SLC41A1: variants seen among roughly 807,000 people sequenced by gnomAD.
SLC41A1 encodes the protein solute carrier family 41 (magnesium transporter), member 1.
SLC41A1 carries 20 observed loss-of-function variants against 47.3 expected under a neutral mutation model. The ratio of observed to expected loss-of-function variants is 0.42; its 90% CI spans 0.30 to 0.61. The LOEUF is 0.61. Ranked by LOEUF, SLC41A1 falls within the 20% of genes least tolerant of loss-of-function variation. The pLI, the probability that SLC41A1 is intolerant of heterozygous loss-of-function variation, is 0.17. For synonymous variants in SLC41A1, 282 were observed against 272.7 expected (o/e 1.03, Z -0.34); for missense variants, 504 against 674.1 (o/e 0.75, Z 2.79).
chr1:205,802,676 C>T (rs1010290155), intron 2 of SLC41A1, among the ~76,000 whole-genome samples: 2 of 147,658 alleles, frequency 1.4e-5, no homozygotes, highest in East Asian at 4.0e-4. Context: ...CAAGATCGCA[C>T]CACTGCACTC....
intron 7 of SLC41A1, among the ~76,000 whole-genome samples, chr1:205,797,611 T>C (rs893614188): frequency 4.6e-5 from 7 of 152,340 alleles, no homozygotes; most frequent in South Asian, 2.1e-4. Context: ...ACCTGGGCTG[T>C]AGGCCATGAC....
Position 205,810,584 on chromosome 1 carries a change from T to G in SLC41A1, c.-143A>C. The G allele has an allele frequency of 8.0e-7, 1 of 1,256,322 alleles. No individual in the cohort carries two copies. Among genetic ancestry groups the G allele is most frequent in the Non-Finnish European group, 1.1e-6 (1 of 891,422 alleles). 77.8% of individuals were successfully genotyped at this position (1,256,322 alleles called of 1,614,324 possible). Reference sequence around the variant, plus strand: ...ACCTCTTCCCACGGCTCTCCACTCCTACCAGGCACTGCAAAAACTGATCCA... The same window carrying G: ...ACCTCTTCCCACGGCTCTCCACTCCGACCAGGCACTGCAAAAACTGATCCA... On this transcript the variant is annotated 5_prime_UTR_variant, in exon 2 of 11. Coordinates refer to ENST00000367137, the MANE Select transcript of SLC41A1 (RefSeq NM_173854.6). This position sits in a 1 kb window ranked among gnomAD's most constrained non-coding sequence, Gnocchi z 5.5.
intron 2 of SLC41A1, 112 bp from the exon 3 acceptor site, chr1:205,801,172 G>A: frequency 1.2e-6 from 1 of 825,932 alleles, no homozygotes; most frequent in Non-Finnish European, 2.1e-6. Flanking sequence ...TCAGCAGGGA[G>A]TGAGCACGCC....
intron 2 of SLC41A1, among the ~76,000 whole-genome samples, chr1:205,807,220 C>T (rs560700178): frequency 5.3e-5 from 8 of 152,184 alleles, no homozygotes; most frequent in Admixed American, 1.3e-4. Flanking sequence ...TCCCATGTCT[C>T]GGTCCCTCTG....
intron 7 of SLC41A1, 103 bp downstream of exon 7, chr1:205,797,801 C>T: frequency 2.8e-6 from 4 of 1,422,876 alleles, no homozygotes; most frequent in South Asian, 1.2e-5. Flanking sequence ...CTAATGAACA[C>T]ATTTCTAGGG....
Position 205,813,173 on chromosome 1 carries a change from G to C in SLC41A1, c.-1012C>G, listed in dbSNP as rs1047634854. On this transcript the variant is annotated 5_prime_UTR_variant, in exon 1 of 11. Coordinates refer to ENST00000367137, the MANE Select transcript of SLC41A1 (RefSeq NM_173854.6). ...CTCGGGCCCAACTGGTTGGCTGCCG[G>C]TGGCAAACGTGATCTGGGGCAGACT... 5.1e-6 allele frequency: 5 copies of C among 985,512 alleles called. No homozygotes were observed. The South Asian group carries it at 2.3e-4, about 46-fold the overall frequency. 61.0% of individuals were successfully genotyped at this position (985,512 alleles called of 1,614,324 possible).
chr1:205,796,931 C>T lies in SLC41A1; in HGVS notation c.1065G>A (p.Val355=), dbSNP rs755461670. The change falls in exon 8 of 11, where the codon GTG becomes GTA. Residue 355 remains valine (V), a synonymous_variant. Coordinates refer to ENST00000367137, the MANE Select transcript of SLC41A1 (RefSeq NM_173854.6). The stretch of plus-strand genomic sequence containing the variant: ...CTGATGCCCAGACCTCACCATTAAT[C>T]ACAGGCGTGAAGACAGCCATCCCAG... ...NFAGMAVFTP[V]INGVGGNLVA... 48 of 1,612,614 alleles carry T rather than the reference C, an allele frequency of 3.0e-5. No individual in the cohort carries two copies. The East Asian group carries it at 1.0e-3, about 34-fold the overall frequency.
chr1:205,796,610 T>C, intron 8 of SLC41A1: 1 of 399,630 alleles, frequency 2.5e-6, no homozygotes, highest in East Asian at 5.0e-5. Context: ...ATAAACTTCT[T>C]TTCGTTATAA....
intron 2 of SLC41A1, among the ~76,000 whole-genome samples, chr1:205,809,804 C>T (rs566509001): frequency 6.6e-6 from 1 of 152,274 alleles, no homozygotes; most frequent in South Asian, 2.1e-4. Flanking sequence ...TCCATCTCTC[C>T]TCTCCCAAGC....
Position 205,790,943 on chromosome 1 carries a change from T to C in SLC41A1, c.*590A>G, listed in dbSNP as rs1655613295. On this transcript the variant is annotated 3_prime_UTR_variant, in exon 11 of 11. Coordinates refer to ENST00000367137, the MANE Select transcript of SLC41A1 (RefSeq NM_173854.6). ...TTGAAAAGTCAGTCCACCTTACTCTTTCTGCGAGTGGGAACGCTTAGGTCC... is the reference window on the plus strand; with the variant it reads ...TTGAAAAGTCAGTCCACCTTACTCTCTCTGCGAGTGGGAACGCTTAGGTCC... 6.1e-6 allele frequency: 1 copy of C among 163,134 alleles called. No individual in the cohort carries two copies. The highest frequency in any genetic ancestry group is 5.7e-5 in the Admixed American group (1 of 17,578). 10.1% of individuals were successfully genotyped at this position (163,134 alleles called of 1,614,324 possible).
chr1:205,807,720 A>G (rs1178950742), intron 2 of SLC41A1, among the ~76,000 whole-genome samples: 1 of 146,934 alleles, frequency 6.8e-6, no homozygotes, highest in Non-Finnish European at 1.5e-5. Flanking sequence ...CAGTGGTACA[A>G]TCATAGCTCA....
intron 2 of SLC41A1, among the ~76,000 whole-genome samples, chr1:205,802,610 C>T (rs546933022): frequency 5.9e-5 from 9 of 151,548 alleles, no homozygotes; most frequent in South Asian, 2.1e-4. Flanking sequence ...CCAAGCTACT[C>T]GGGAGGCTGA....
chr1:205,796,053 C>A (rs1655742610), intron 8 of SLC41A1: 1 of 189,746 alleles, frequency 5.3e-6, no homozygotes, highest in South Asian at 1.1e-4. Context: ...CTGCTCTTCT[C>A]AGCCTTGCTC....
chr1:205,807,457 G>C (rs1052102326), intron 2 of SLC41A1, among the ~76,000 whole-genome samples: 1 of 152,150 alleles, frequency 6.6e-6, no homozygotes, highest in African/African-American at 2.4e-5. Context: ...AGTGGGGATG[G>C]GGCAACACAT....
intron 6 of SLC41A1, 119 bp from the exon 7 acceptor site, chr1:205,798,170 A>G: frequency 7.0e-7 from 1 of 1,429,584 alleles, no homozygotes; most frequent in Non-Finnish European, 9.7e-7. Flanking sequence ...AATGCCAGTA[A>G]ACACATTATC....
chr1:205,801,237 C>G (rs909464320), intron 2 of SLC41A1, 177 bp from the exon 3 acceptor site: 8 of 599,850 alleles, frequency 1.3e-5, no homozygotes, highest in Non-Finnish European at 2.1e-5. Context: ...ATTCTTCAAA[C>G]AACACAACCC....
intron 9 of SLC41A1, 48 bp downstream of exon 9, chr1:205,795,296 A>G: frequency 6.2e-7 from 1 of 1,613,826 alleles, no homozygotes; most frequent in African/African-American, 1.3e-5. Flanking sequence ...GCTCACTGAC[A>G]GTAGGCCCAC....
At chr1:205,812,436 A>G (rs1423112347) in intron 1 of SLC41A1, among the ~76,000 whole-genome samples, 1 of 152,188 alleles carries the variant, frequency 6.6e-6, no homozygotes, top group Non-Finnish European at 1.5e-5. Context: ...CCCCTATGCC[A>G]GAAAAGTTTC....
In SLC41A1 at chr1:205,795,535, C is replaced by G; in HGVS notation, c.1073-57G>C. The G allele has an allele frequency of 1.0e-5, 16 of 1,595,534 alleles. No individual in the cohort carries two copies. The South Asian group carries it at 1.7e-4, about 17-fold the overall frequency. ...CAGAGGTCAGAGGGAGGAGTGGGAA[C>G]AAAATGATCTTCTCACTCTTTGTCT... On this transcript the variant is annotated intron_variant, in intron 8 of 10. Coordinates refer to ENST00000367137, the MANE Select transcript of SLC41A1 (RefSeq NM_173854.6).
Sources: gnomAD v4.1 joint callset for allele counts (sites outside exome capture counted in the v4.1 genomes callset) on GRCh38, gnomAD v4.1.1 for gene constraint, Gnocchi (gnomAD v3.1) non-coding constraint, MANE v1.5 for transcripts, NCBI Gene and HGNC (gene_info 2026-07-23, HGNC 2026-07-21) for gene names.